Variants in DLD observed in about 807,000 individuals in gnomAD.
The protein encoded by DLD is dihydrolipoyl dehydrogenase, mitochondrial.
Under a neutral mutation model 62.2 loss-of-function variants are expected in DLD, and 36 were observed. The ratio of observed to expected loss-of-function variants is 0.58; its 90% CI spans 0.44 to 0.76. The LOEUF is 0.76. Among genes scored for constraint, DLD ranks in the 30% least tolerant of loss-of-function variants. The probability of loss-of-function intolerance (pLI) is 0.00; values close to 1 mark genes in which losing one functional copy is unlikely to be tolerated. For missense variants in DLD, 541 were observed against 608.6 expected (o/e 0.89, Z 1.17); for synonymous variants, 204 against 199.6 (o/e 1.02, Z -0.19).
At chr7:107,903,631 A>C (rs1230743792) in intron 5 of DLD, 84 bp downstream of exon 5, 1 of 745,608 alleles carries the variant, frequency 1.3e-6, no homozygotes, top group Non-Finnish European at 2.4e-6. Context: ...TGTCTAACGT[A>C]CGCATAATAG....
At chr7:107,901,112 A>T (rs4730279) in intron 2 of DLD, among the ~76,000 whole-genome samples, 100,345 of 152,038 alleles carry the variant, frequency 0.66, 33,927 homozygotes, top group East Asian at 0.85. Flanking sequence ...ATATGCAAGT[A>T]CAAAACATAT....
At chr7:107,902,197 TATTTTAG>T (rs71522853) in intron 3 of DLD, 121 bp from the exon 4 acceptor site, 314,264 of 826,334 alleles carry the variant, frequency 0.38, 61,123 homozygotes, top group Non-Finnish European at 0.42. Context: ...AAGGACTATA[TATTTTAG>T]TCTGTGAAAA....
At chr7:107,898,438 G>A (rs572501472) in intron 2 of DLD, among the ~76,000 whole-genome samples, 16 of 150,974 alleles carry the variant, frequency 1.1e-4, no homozygotes, top group African/African-American at 3.9e-4. Context: ...TTGCCACCAC[G>A]CCTGGCAATA....
chr7:107,910,199 C>T (rs905244404), intron 8 of DLD, among the ~76,000 whole-genome samples: 2 of 152,100 alleles, frequency 1.3e-5, no homozygotes, highest in African/African-American at 2.4e-5. Flanking sequence ...TAATCTTGGG[C>T]GTTGCCTCTT....
Position 107,919,399 on chromosome 7 carries a change from G to T in DLD, c.*140G>T. The T allele has an allele frequency of 1.5e-6, 1 of 676,024 alleles. No homozygotes were observed. 41.9% of individuals were successfully genotyped at this position (676,024 alleles called of 1,614,324 possible). ...CTTTTGGAAGGTATTTAATAGGTTT[G>T]GACAAAATGGAATACTCTTATATCT... On this transcript the variant is annotated 3_prime_UTR_variant, in exon 14 of 14. Transcript: ENST00000205402.
intron 2 of DLD, among the ~76,000 whole-genome samples, chr7:107,894,468 T>C (rs1438143264): frequency 6.6e-6 from 1 of 152,228 alleles, no homozygotes; most frequent in East Asian, 1.9e-4. Context: ...TGATTTATTC[T>C]AGCTTTGAAC....
chr7:107,909,545 C>T (rs1317194552), intron 8 of DLD, among the ~76,000 whole-genome samples: 1 of 152,146 alleles, frequency 6.6e-6, no homozygotes, highest in African/African-American at 2.4e-5. Context: ...TTTTTTTTAA[C>T]ACCTTGCTGA....
intron 2 of DLD, among the ~76,000 whole-genome samples, chr7:107,894,366 A>G (rs1462065391): frequency 6.6e-6 from 1 of 152,216 alleles, no homozygotes; most frequent in Non-Finnish European, 1.5e-5. Flanking sequence ...TGTATCCTCA[A>G]CTGTTATCCA....
chr7:107,909,063 C>T (rs945545920), intron 8 of DLD, among the ~76,000 whole-genome samples: 8 of 151,940 alleles, frequency 5.3e-5, no homozygotes, highest in Non-Finnish European at 8.8e-5. Context: ...GCATAGTATA[C>T]TTCTTGTAAT....
rs2032277268 is a variant in DLD at position 107,916,681 on chromosome 7, C to G, written c.876-113C>G. On this transcript the variant is annotated intron_variant, in intron 9 of 13. Transcript: ENST00000205402. ...GCAAGACTCTGTCTCAAAAACAAAA[C>G]AAAACAAAAATGAAAATGTCATCAA... 3 of 1,211,160 alleles carry G rather than the reference C, an allele frequency of 2.5e-6. No individual in the cohort carries two copies. The East Asian group carries it at 7.0e-5, about 28-fold the overall frequency. The allele number at this position is 1,211,160 out of a possible 1,614,324, so 75.0% of individuals were successfully genotyped here.
At chr7:107,902,206 C>A in intron 3 of DLD, 119 bp from the exon 4 acceptor site, 1 of 874,808 alleles carries the variant, frequency 1.1e-6, no homozygotes, top group East Asian at 2.6e-5. Context: ...ATATTTTAGT[C>A]TGTGAAAACA....
chr7:107,912,444 T>A (rs1351087692), intron 8 of DLD, among the ~76,000 whole-genome samples: 1 of 152,058 alleles, frequency 6.6e-6, no homozygotes, highest in Admixed American at 6.5e-5. Flanking sequence ...ACATTCCCAC[T>A]AACAGTGTAT....
chr7:107,902,377 G>GT lies in DLD; in HGVS notation c.253dup (p.Cys85LeufsTer5). 1 of 1,613,840 alleles carries GT rather than the reference G, an allele frequency of 6.2e-7. No individual in the cohort carries two copies. The highest frequency in any genetic ancestry group is 8.5e-7 in the Non-Finnish European group (1 of 1,179,820). On this transcript the variant is annotated frameshift_variant, in exon 4 of 14. Coordinates refer to ENST00000205402, the MANE Select transcript of DLD (RefSeq NM_000108.5). LOFTEE classifies it high-confidence loss of function. Reference sequence around the variant, plus strand: ...CTTGGTGGAACATGCTTGAATGTTGGTTGTATTCCTTCTAAGGTGAGCATG... The same window carrying GT: ...CTTGGTGGAACATGCTTGAATGTTGGTTTGTATTCCTTCTAAGGTGAGCATG...
chr7:107,899,392 A>G (rs1041755311), intron 2 of DLD, among the ~76,000 whole-genome samples: 7 of 151,458 alleles, frequency 4.6e-5, no homozygotes, highest in African/African-American at 1.7e-4. Flanking sequence ...AAGATTACAT[A>G]GTGAATAGGG....
intron 2 of DLD, among the ~76,000 whole-genome samples, chr7:107,895,946 T>C (rs1425796589): frequency 6.6e-6 from 1 of 152,220 alleles, no homozygotes; most frequent in African/African-American, 2.4e-5. Context: ...TAATGTGAAA[T>C]GCCTGCTGTT....
chr7:107,893,869 G>A (rs2031652795), intron 2 of DLD, among the ~76,000 whole-genome samples: 2 of 152,168 alleles, frequency 1.3e-5, no homozygotes, highest in African/African-American at 4.8e-5. Context: ...GGGAAACAAA[G>A]GTTTTGAGCA....
rs761108284 is a variant in DLD, at chr7:107,893,247, A to T, written c.87A>T (p.Ala29=). The T allele has an allele frequency of 6.2e-7, 1 of 1,613,436 alleles. No homozygotes were observed. The highest frequency in any genetic ancestry group is 1.3e-5 in the African/African-American group (1 of 74,924). ...RISHGLQGLS[A]VPLRTYADQP... ...CTCATGGCCTACAGGGACTTTCTGC[A>T]GTGCCTCTGAGAACTTACGCAGATC... The change falls in exon 2 of 14, where the codon GCA becomes GCT. Residue 29 remains alanine, a synonymous_variant. Coordinates refer to ENST00000205402, the MANE Select transcript of DLD (RefSeq NM_000108.5).
chr7:107,911,186 T>C (rs971086154), intron 8 of DLD, among the ~76,000 whole-genome samples: 1 of 152,170 alleles, frequency 6.6e-6, no homozygotes, highest in African/African-American at 2.4e-5. Context: ...AAACCACTAA[T>C]TCTACTGTGT....
At chr7:107,914,725 A>C (rs1297851240) in intron 8 of DLD, among the ~76,000 whole-genome samples, 1 of 152,172 alleles carries the variant, frequency 6.6e-6, no homozygotes. Flanking sequence ...TGCAAAGGAT[A>C]TGTTCATGGT....
Sources: gnomAD v4.1 joint callset for allele counts (sites outside exome capture counted in the v4.1 genomes callset) on GRCh38, gnomAD v4.1.1 for gene constraint, MANE v1.5 for transcripts, NCBI Gene and HGNC (gene_info 2026-07-23, HGNC 2026-07-21) for gene names.